ZNF638: variants seen among roughly 807,000 people sequenced by gnomAD.
ZNF638 encodes CTCL tumor antigen se33-1.
In ZNF638, 46 loss-of-function variants were observed where a neutral mutation model predicts 195.6. That is an observed-to-expected ratio of 0.24 (90% confidence interval 0.19 to 0.30). The LOEUF is 0.30. Ranked by LOEUF, ZNF638 falls within the 10% of genes least tolerant of loss-of-function variation. The pLI, the probability that ZNF638 is intolerant of heterozygous loss-of-function variation, is 1.00. For synonymous variants in ZNF638, 845 were observed against 772.0 expected, an observed-to-expected ratio of 1.09 and a Z score of -1.57; for missense variants, 2,440 against 2,325.3, an observed-to-expected ratio of 1.05 and a Z score of -1.01.
chr2:71,421,538 C>T (rs1430082337), intron 21 of ZNF638, among the ~76,000 whole-genome samples: 1 of 152,048 alleles, frequency 6.6e-6, no homozygotes, highest in Non-Finnish European at 1.5e-5. Context: ...ATTTAAGACC[C>T]TGATGTGGTA....
intron 10 of ZNF638, among the ~76,000 whole-genome samples, chr2:71,383,197 C>A (rs1297877339): frequency 3.3e-5 from 5 of 152,068 alleles, no homozygotes; most frequent in African/African-American, 1.2e-4. Context: ...TGGTAGTAGT[C>A]CCAGCTACTC....
chr2:71,365,030 G>T lies in ZNF638; in HGVS notation c.1718-399G>T, dbSNP rs116469493. Among the ~76,000 whole-genome samples, 811 of 151,958 alleles carry T rather than the reference G, an allele frequency of 5.3e-3. 8 individuals are homozygous for T. The highest frequency in any genetic ancestry group is 0.019 in the African/African-American group (779 of 41,426). ...TAATTTTGTTTTGGGAATTACAGTT[G>T]GTTTTTATAAAAATATTTATGTTAA... On this transcript the variant is annotated intron_variant, in intron 5 of 27. Transcript: ENST00000264447.
intron 6 of ZNF638, among the ~76,000 whole-genome samples, chr2:71,367,580 T>C (rs1199849597): frequency 2.0e-5 from 3 of 151,808 alleles, no homozygotes; most frequent in African/African-American, 4.8e-5. Flanking sequence ...GCTGGGATTA[T>C]AGGCGTGTGC....
chr2:71,429,683 A>T (rs1461858010), intron 25 of ZNF638, among the ~76,000 whole-genome samples: 3 of 152,150 alleles, frequency 2.0e-5, no homozygotes, highest in Non-Finnish European at 4.4e-5. Context: ...CATGGAACTG[A>T]ATGTATTTTG....
chr2:71,405,551 G>T, intron 17 of ZNF638, 50 bp from the exon 18 acceptor site: 3 of 1,147,116 alleles, frequency 2.6e-6, no homozygotes, highest in Non-Finnish European at 3.8e-6. Flanking sequence ...GTAAGTATTT[G>T]TATGAGAAAG....
At chr2:71,422,299 A>C (rs960500108) in intron 21 of ZNF638, among the ~76,000 whole-genome samples, 1 of 149,196 alleles carries the variant, frequency 6.7e-6, no homozygotes, top group Non-Finnish European at 1.5e-5. Context: ...TTTTACATCC[A>C]AAAAAAAAAT....
At chr2:71,344,559 G>A (rs1051273657) in intron 1 of ZNF638, among the ~76,000 whole-genome samples, 2 of 124,196 alleles carry the variant, frequency 1.6e-5, no homozygotes, top group Non-Finnish European at 3.5e-5. Flanking sequence ...TATGAATAAA[G>A]GCTGAATTTG....
chr2:71,388,026 A>C (rs754495067), intron 10 of ZNF638, among the ~76,000 whole-genome samples: 16 of 152,304 alleles, frequency 1.1e-4, no homozygotes, highest in Admixed American at 5.2e-4. Context: ...TTATAATTAA[A>C]GAAAAAAAAA....
chr2:71,400,491 G>C lies in ZNF638; in HGVS notation c.2670G>C (p.Glu890Asp). The C allele has an allele frequency of 6.2e-7, 1 of 1,606,184 alleles. No homozygotes were observed. Among genetic ancestry groups the C allele is most frequent in the East Asian group, 2.2e-5 (1 of 44,562 alleles). ...TTTTGTATTAAGATGCTGCTTTGGA[G>C]GCCACAGAGAATGAACCACTTAACA... ...AKEAISDAAL[E>D]ATENEPLNKE... Residue 890 changes from glutamate (E) to aspartate (D), a missense_variant, in exon 15 of 28, where the codon GAG becomes GAC. Physicochemically the swap from Glu to Asp is conservative, Grantham distance 45. Transcript: ENST00000264447.
chr2:71,430,062 A>C (rs1253590474), intron 25 of ZNF638, among the ~76,000 whole-genome samples: 1 of 152,206 alleles, frequency 6.6e-6, no homozygotes, highest in African/African-American at 2.4e-5. Flanking sequence ...GAGTAATATA[A>C]AAGGATGATT....
intron 10 of ZNF638, among the ~76,000 whole-genome samples, chr2:71,383,845 A>C (rs1230598933): frequency 7.9e-6 from 1 of 126,538 alleles, no homozygotes; most frequent in African/African-American, 3.2e-5. Context: ...TAAGTGATGC[A>C]CCCACCTCGG....
chr2:71,393,326 G>A (rs2079824103), intron 10 of ZNF638: 7 of 689,964 alleles, frequency 1.0e-5, no homozygotes, highest in Non-Finnish European at 1.4e-5. Flanking sequence ...AAATAGTAAC[G>A]TATGGTGTAG....
Position 71,350,169 on chromosome 2 carries a change from G to A in ZNF638, c.1215G>A (p.Lys405=). ...CACATGCTGATGCCCAGAAGATGAA[G>A]AGACTTCCAACTCCTTCTATGATGA... ...KFSHADAQKM[K]RLPTPSMMND... is the part of the protein sequence containing the mutation. The change falls in exon 2 of 28, where the codon AAG becomes AAA. Residue 405 remains lysine, a synonymous_variant. Coordinates refer to ENST00000264447, the MANE Select transcript of ZNF638 (RefSeq NM_014497.5). 1 of 1,613,238 alleles carries A rather than the reference G, an allele frequency of 6.2e-7. No individual in the cohort carries two copies. Among genetic ancestry groups the A allele is most frequent in the East Asian group, 2.2e-5 (1 of 44,888 alleles).
intron 10 of ZNF638, among the ~76,000 whole-genome samples, chr2:71,390,214 C>A (rs2079743322): frequency 2.6e-5 from 4 of 152,182 alleles, no homozygotes; most frequent in Admixed American, 2.6e-4. Context: ...AGGGGCCAGC[C>A]CCAGGCCCTG....
At chr2:71,375,055 T>C (rs371829417) in intron 8 of ZNF638, 1 of 152,248 alleles carries the variant, frequency 6.6e-6, no homozygotes, top group African/African-American at 2.4e-5. Context: ...TTTTTACATA[T>C]AGCTATTAGA....
intron 25 of ZNF638, among the ~76,000 whole-genome samples, chr2:71,430,116 A>G (rs964966092): frequency 6.6e-6 from 1 of 152,214 alleles, no homozygotes; most frequent in African/African-American, 2.4e-5. Flanking sequence ...AATGAACAAT[A>G]TGTTTTGACA....
At chr2:71,394,070 G>A (rs1246516724) in intron 10 of ZNF638, among the ~76,000 whole-genome samples, 1 of 152,198 alleles carries the variant, frequency 6.6e-6, no homozygotes, top group African/African-American at 2.4e-5. Flanking sequence ...GGAAAGTAAT[G>A]GATTCCACTT....
intron 2 of ZNF638, 61 bp from the exon 3 acceptor site, chr2:71,355,658 C>T (rs2104219170): frequency 3.6e-6 from 4 of 1,099,972 alleles, no homozygotes; most frequent in East Asian, 5.1e-5. Flanking sequence ...TTTTAAAAGC[C>T]TAATTCATTA....
At chr2:71,433,069 AGAGT>A in intron 26 of ZNF638, 92 bp from the exon 27 acceptor site, 1 of 982,116 alleles carries the variant, frequency 1.0e-6, no homozygotes, top group East Asian at 2.4e-5. Flanking sequence ...CCTGGATGAC[AGAGT>A]GAGACTCCGT....
Sources: allele counts gnomAD v4.1 joint callset (sites outside exome capture counted in the v4.1 genomes callset), GRCh38; gene constraint gnomAD v4.1.1; transcripts MANE v1.5; gene names NCBI Gene and HGNC (gene_info 2026-07-23, HGNC 2026-07-21).